Variants in CCDC192 observed in about 807,000 individuals in gnomAD.
CCDC192 encodes the protein coiled-coil domain containing 192.
chr5:127,767,006 C>T (rs77046607), intron 3 of CCDC192, among the ~76,000 whole-genome samples: 1 of 152,146 alleles, frequency 6.6e-6, no homozygotes, highest in Non-Finnish European at 1.5e-5. Flanking sequence ...AGCCTAAACC[C>T]ATCAAAGAGA....
chr5:127,721,828 C>T (rs184135612), intron 2 of CCDC192, among the ~76,000 whole-genome samples: 2 of 152,134 alleles, frequency 1.3e-5, no homozygotes, highest in African/African-American at 4.8e-5. Flanking sequence ...TCTTGCATGG[C>T]TGGGGCAGGA....
At chr5:127,777,503 G>A (rs905450762) in intron 3 of CCDC192, among the ~76,000 whole-genome samples, 3 of 152,158 alleles carry the variant, frequency 2.0e-5, no homozygotes, top group African/African-American at 7.2e-5. Context: ...TTGAGTTAAT[G>A]CTGAAATGAG....
At chr5:127,829,652 A>C (rs1749694136) in intron 5 of CCDC192, among the ~76,000 whole-genome samples, 1 of 152,250 alleles carries the variant, frequency 6.6e-6, no homozygotes. Flanking sequence ...AATTAGATGC[A>C]TGAAGAAGTA....
chr5:127,925,461 G>C (rs1753837566), intron 6 of CCDC192, among the ~76,000 whole-genome samples: 1 of 152,152 alleles, frequency 6.6e-6, no homozygotes, highest in Non-Finnish European at 1.5e-5. Context: ...CAAGAACGGG[G>C]CATTTTTATG....
chr5:127,777,028 G>A (rs539154894), intron 3 of CCDC192, among the ~76,000 whole-genome samples: 2 of 152,310 alleles, frequency 1.3e-5, no homozygotes, highest in East Asian at 3.9e-4. Context: ...AGTCTTCACT[G>A]GGGCACTGCC....
intron 5 of CCDC192, among the ~76,000 whole-genome samples, chr5:127,814,322 A>T (rs752816119): frequency 4.6e-5 from 7 of 152,222 alleles, no homozygotes; most frequent in Admixed American, 3.3e-4. Context: ...TAAGCATTAA[A>T]AACAAGTTAT....
chr5:127,926,529 G>C (rs1336665319), intron 6 of CCDC192, among the ~76,000 whole-genome samples: 1 of 152,178 alleles, frequency 6.6e-6, no homozygotes, highest in Non-Finnish European at 1.5e-5. Flanking sequence ...CCTAACGGGG[G>C]TGGAGATAAT....
At position 127,730,053 on chromosome 5, in the gene CCDC192, A is replaced by G. The variant is rs1008193327; in HGVS notation, c.114+22293A>G. ...GAACTGAAGAAGATAGAGACACAAA[A>G]AACCCTTCCAAAAATCAATTAATCC... On this transcript the variant is annotated intron_variant, in intron 2 of 6. Coordinates refer to ENST00000514853, the MANE Select transcript of CCDC192 (RefSeq NM_001317938.2). Among the ~76,000 whole-genome samples the G allele has an allele frequency of 8.5e-5, 13 of 152,336 alleles. 1 individual carries two copies. The highest frequency in any genetic ancestry group is 7.2e-4 in the Admixed American group (11 of 15,302).
At chr5:127,939,692 T>A in intron 6 of CCDC192, among the ~76,000 whole-genome samples, 1 of 148,274 alleles carries the variant, frequency 6.7e-6, no homozygotes, top group East Asian at 2.0e-4. Flanking sequence ...TTTATGTTTT[T>A]TTTTTTTTTT....
At chr5:127,748,808 T>G (rs2126858712) in intron 2 of CCDC192, among the ~76,000 whole-genome samples, 1 of 147,934 alleles carries the variant, frequency 6.8e-6, no homozygotes. Flanking sequence ...TAGTTCTCCT[T>G]GAAGAGGTCC....
chr5:127,829,928 T>C (rs1280648243), intron 5 of CCDC192, among the ~76,000 whole-genome samples: 1 of 152,210 alleles, frequency 6.6e-6, no homozygotes, highest in East Asian at 1.9e-4. Context: ...AAATGTACTC[T>C]ATTTTTTAGT....
At chr5:127,776,286 T>C (rs974718045) in intron 3 of CCDC192, among the ~76,000 whole-genome samples, 4 of 152,256 alleles carry the variant, frequency 2.6e-5, no homozygotes, top group Non-Finnish European at 4.4e-5. Flanking sequence ...GCTCTTTTTA[T>C]GCTTTAGCAA....
chr5:127,777,024 C>T (rs1028966146), intron 3 of CCDC192, among the ~76,000 whole-genome samples: 17 of 152,242 alleles, frequency 1.1e-4, no homozygotes, highest in African/African-American at 4.1e-4. Flanking sequence ...ACAGAGTCTT[C>T]ACTGGGGCAC....
intron 5 of CCDC192, among the ~76,000 whole-genome samples, chr5:127,871,951 C>A (rs1485724156): frequency 6.6e-6 from 1 of 152,156 alleles, no homozygotes; most frequent in Non-Finnish European, 1.5e-5. Flanking sequence ...ACTAAGGAGA[C>A]CATAATAGAC....
upstream of CCDC192, among the ~76,000 whole-genome samples, chr5:127,703,024 G>C (rs904714588): frequency 4.6e-5 from 7 of 152,182 alleles, no homozygotes; most frequent in African/African-American, 1.7e-4. Context: ...TCACAATAAG[G>C]GGTTGGTCTG....
chr5:127,760,769 C>G (rs1484458383), intron 3 of CCDC192, among the ~76,000 whole-genome samples: 3 of 151,086 alleles, frequency 2.0e-5, no homozygotes, highest in South Asian at 2.1e-4. Flanking sequence ...TCCAAGAGCC[C>G]CGTGTTATAG....
intron 6 of CCDC192, among the ~76,000 whole-genome samples, chr5:127,906,873 T>C (rs1200322582): frequency 6.6e-6 from 1 of 152,196 alleles, no homozygotes; most frequent in African/African-American, 2.4e-5. Flanking sequence ...AATTTCTAGG[T>C]CACATGGTTG....
intron 1 of CCDC192, among the ~76,000 whole-genome samples, chr5:127,703,785 C>T (rs1750810471): frequency 6.6e-6 from 1 of 152,056 alleles, no homozygotes; most frequent in African/African-American, 2.4e-5. Flanking sequence ...ACTCACCCAC[C>T]CCAGCCATTT....
At chr5:127,771,482 G>A (rs1009054862) in intron 3 of CCDC192, among the ~76,000 whole-genome samples, 2 of 152,234 alleles carry the variant, frequency 1.3e-5, no homozygotes, top group African/African-American at 2.4e-5. Context: ...GGAGAGTTCA[G>A]TGGACACCTT....
Sources: allele counts gnomAD v4.1 joint callset (sites outside exome capture counted in the v4.1 genomes callset), GRCh38; gene constraint gnomAD v4.1.1; transcripts MANE v1.5; gene names NCBI Gene and HGNC (gene_info 2026-07-23, HGNC 2026-07-21).